SNX29: variants seen among roughly 807,000 people sequenced by gnomAD.
SNX29 encodes the protein sorting nexin-29.
Under a neutral mutation model 102.1 loss-of-function variants are expected in SNX29, and 78 were observed. That is an observed-to-expected ratio of 0.76 (90% CI 0.64 to 0.92). The LOEUF (loss-of-function observed/expected upper bound fraction) is 0.92. Among genes scored for constraint, SNX29 ranks in the 40% least tolerant of loss-of-function variants. SNX29 has a pLI of 0.00. For synonymous variants in SNX29, 580 were observed against 414.5 expected (o/e 1.40, Z -4.85); for missense variants, 1,280 against 1,061.7 (o/e 1.21, Z -2.86).
intron 11 of SNX29, chr16:12,081,248 C>T (rs1378146023): frequency 6.6e-6 from 1 of 152,222 alleles, no homozygotes; most frequent in Non-Finnish European, 1.5e-5. Flanking sequence ...GCAAGTATCT[C>T]AGTCTTCATA....
chr16:12,043,808 C>T (rs964275792), intron 5 of SNX29, among the ~76,000 whole-genome samples: 1 of 152,078 alleles, frequency 6.6e-6, no homozygotes, highest in Non-Finnish European at 1.5e-5. Context: ...GGCTGGAGTG[C>T]ACTGATGCTA....
At chr16:12,202,018 C>T (rs1276443013) in intron 14 of SNX29, among the ~76,000 whole-genome samples, 1 of 152,136 alleles carries the variant, frequency 6.6e-6, no homozygotes, top group Non-Finnish European at 1.5e-5. Flanking sequence ...GTGCCCTGAG[C>T]CACAGCTGGA....
intron 3 of SNX29, among the ~76,000 whole-genome samples, chr16:12,006,310 G>T (rs1051095770): frequency 2.0e-5 from 3 of 151,784 alleles, no homozygotes; most frequent in African/African-American, 4.8e-5. Flanking sequence ...GAAGTCGGGA[G>T]TTTGAGACCA....
chr16:12,524,210 A>G (rs1567652742), intron 19 of SNX29, among the ~76,000 whole-genome samples: 1 of 152,098 alleles, frequency 6.6e-6, no homozygotes, highest in Non-Finnish European at 1.5e-5. Flanking sequence ...CTCTTTCTTA[A>G]TCAGTGGCAG....
At chr16:12,178,544 A>G (rs1415963970) in intron 13 of SNX29, among the ~76,000 whole-genome samples, 2 of 152,186 alleles carry the variant, frequency 1.3e-5, no homozygotes, top group Non-Finnish European at 2.9e-5. Context: ...ATGTTCCGTC[A>G]TGGTCCTGGA....
At chr16:12,508,248 C>T (rs1306687179) in intron 19 of SNX29, among the ~76,000 whole-genome samples, 1 of 152,172 alleles carries the variant, frequency 6.6e-6, no homozygotes, top group Admixed American at 6.5e-5. Flanking sequence ...GTCACGCATC[C>T]CCGGCCCTGC....
intron 20 of SNX29, among the ~76,000 whole-genome samples, chr16:12,553,989 T>C (rs929615531): frequency 6.6e-6 from 1 of 152,114 alleles, no homozygotes; most frequent in African/African-American, 2.4e-5. Flanking sequence ...CACATTTGGC[T>C]AATTTTTGTA....
At chr16:12,158,924 C>T (rs540644247) in intron 13 of SNX29, among the ~76,000 whole-genome samples, 10 of 152,300 alleles carry the variant, frequency 6.6e-5, no homozygotes, top group Admixed American at 4.6e-4. Flanking sequence ...CAACTCAGAA[C>T]GAGGATCTTT....
intron 14 of SNX29, among the ~76,000 whole-genome samples, chr16:12,212,991 G>C (rs187949613): frequency 6.6e-6 from 1 of 152,286 alleles, no homozygotes; most frequent in East Asian, 1.9e-4. Flanking sequence ...GCATGCACCT[G>C]TAATCCCAGC....
At chr16:12,423,287 G>A (rs74536972) in intron 18 of SNX29, among the ~76,000 whole-genome samples, 1,786 of 151,974 alleles carry the variant, frequency 0.012, 41 homozygotes, top group African/African-American at 0.041. Context: ...TAGATCATAA[G>A]AGCTGATGAC....
intron 4 of SNX29, among the ~76,000 whole-genome samples, chr16:12,034,901 C>T (rs1374703252): frequency 2.0e-5 from 3 of 152,060 alleles, no homozygotes; most frequent in Non-Finnish European, 4.4e-5. Context: ...ATTCCAGCTA[C>T]TTGGGAGGCT....
intron 20 of SNX29, among the ~76,000 whole-genome samples, chr16:12,562,353 T>G (rs946744421): frequency 2.0e-5 from 3 of 150,498 alleles, no homozygotes; most frequent in Non-Finnish European, 4.4e-5. Flanking sequence ...TTTCCCCCTT[T>G]ATTTTTGCTT....
At chr16:12,550,874 G>A (rs143974263) in intron 20 of SNX29, among the ~76,000 whole-genome samples, 2 of 152,280 alleles carry the variant, frequency 1.3e-5, no homozygotes, top group East Asian at 3.9e-4. Flanking sequence ...CTTTCTGGGA[G>A]GAAACCTGTG....
chr16:12,085,081 A>G (rs534697475), intron 11 of SNX29, among the ~76,000 whole-genome samples: 16 of 145,726 alleles, frequency 1.1e-4, no homozygotes, highest in African/African-American at 4.3e-4. Flanking sequence ...AAAGAAAAAG[A>G]AAAAAAAAAG....
At chr16:12,101,058 C>A (rs375422731) in intron 11 of SNX29, among the ~76,000 whole-genome samples, 1 of 152,180 alleles carries the variant, frequency 6.6e-6, no homozygotes, top group East Asian at 1.9e-4. Context: ...ACGAAGAGTG[C>A]CTCTCCAGTC....
At chr16:12,558,634 AAG>A (rs1035967376) in intron 20 of SNX29, among the ~76,000 whole-genome samples, 70 of 152,308 alleles carry the variant, frequency 4.6e-4, no homozygotes, top group African/African-American at 1.5e-3. Context: ...CCGAGCTTAA[AAG>A]AAACCTATTC....
intron 3 of SNX29, among the ~76,000 whole-genome samples, chr16:12,015,273 G>C (rs1313167099): frequency 6.6e-6 from 1 of 151,560 alleles, no homozygotes; most frequent in Admixed American, 6.6e-5. Context: ...TTTGGAGATG[G>C]TGTCTCACTC....
At chr16:12,392,245 T>G (rs919161028) in intron 16 of SNX29, among the ~76,000 whole-genome samples, 1 of 152,236 alleles carries the variant, frequency 6.6e-6, no homozygotes, top group African/African-American at 2.4e-5. Context: ...GTGCTGTGTT[T>G]TATATAACCA....
intron 20 of SNX29, among the ~76,000 whole-genome samples, chr16:12,541,878 A>G (rs920677252): frequency 2.0e-5 from 3 of 152,126 alleles, no homozygotes; most frequent in Non-Finnish European, 4.4e-5. Flanking sequence ...TCAATGCTTG[A>G]TGAATGTTTA....
Sources: allele counts gnomAD v4.1 joint callset (sites outside exome capture counted in the v4.1 genomes callset), GRCh38; gene constraint gnomAD v4.1.1; transcripts MANE v1.5; gene names NCBI Gene and HGNC (gene_info 2026-07-23, HGNC 2026-07-21).